DGLUCY: variants seen among roughly 807,000 people sequenced by gnomAD.
The protein encoded by DGLUCY is D-glutamate cyclase, mitochondrial.
A neutral mutation model predicts 58.5 loss-of-function variants in DGLUCY; 58 were observed. That is an observed-to-expected ratio of 0.99 (90% CI 0.80 to 1.23). The LOEUF (loss-of-function observed/expected upper bound fraction) is 1.23. DGLUCY is among the 50% of genes most tolerant of loss of function. DGLUCY has a pLI of 0.00. For missense variants in DGLUCY, 779 were observed against 784.7 expected (o/e 0.99, Z 0.09); for synonymous variants, 325 against 314.1 (o/e 1.03, Z -0.37).
intron 7 of DGLUCY, among the ~76,000 whole-genome samples, chr14:91,179,608 G>A (rs375176825): frequency 3.9e-4 from 59 of 151,796 alleles, no homozygotes; most frequent in South Asian, 3.1e-3. Context: ...AAAATTAGCC[G>A]GGTGTAGTGG....
In DGLUCY at chr14:91,086,084, C is replaced by T. The variant is rs545466130; in HGVS notation, c.-82+25380C>T. Among the ~76,000 whole-genome samples, 8 of 152,110 alleles carry T rather than the reference C, an allele frequency of 5.3e-5. 1 individual carries two copies. Among genetic ancestry groups the T allele is most frequent in the Admixed American group, 3.3e-4 (5 of 15,268 alleles). On this transcript the variant is annotated intron_variant, in intron 1 of 4. Coordinates refer to the DGLUCY transcript ENST00000521334. ...GGAGCATGAACCCTATTGTGAACTG[C>T]GCATGTGAGGGATCTAGGTTTTGTG...
intron 1 of DGLUCY, among the ~76,000 whole-genome samples, chr14:91,075,156 A>AT (rs1443433262): frequency 4.7e-5 from 7 of 150,382 alleles, no homozygotes; most frequent in Non-Finnish European, 1.0e-4. Flanking sequence ...CCTTTCTTGC[A>AT]TTTTTTCTTT....
chr14:91,060,523 C>T, exon 1 of DGLUCY: 1 of 1,237,044 alleles, frequency 8.1e-7, no homozygotes, highest in Non-Finnish European at 1.0e-6. Flanking sequence ...CTGCCGCGGC[C>T]CCAGGAGTCG....
intron 1 of DGLUCY, among the ~76,000 whole-genome samples, chr14:91,089,596 C>A (rs1398536221): frequency 6.6e-6 from 1 of 152,078 alleles, no homozygotes. Context: ...CCGAGGCGAG[C>A]GGAACACTTG....
At chr14:91,142,160 A>T (rs1323861523) in intron 1 of DGLUCY, among the ~76,000 whole-genome samples, 1 of 151,988 alleles carries the variant, frequency 6.6e-6, no homozygotes, top group Non-Finnish European at 1.5e-5. Context: ...AGGTTAATTA[A>T]CCTGCTCAAG....
At chr14:91,210,827 C>T (rs1475173799) in intron 12 of DGLUCY, among the ~76,000 whole-genome samples, 1 of 152,148 alleles carries the variant, frequency 6.6e-6, no homozygotes, top group African/African-American at 2.4e-5. Context: ...TTCCCTCTTA[C>T]CACTATTTTC....
intron 13 of DGLUCY, among the ~76,000 whole-genome samples, chr14:91,218,645 C>G (rs1180019317): frequency 6.6e-6 from 1 of 151,882 alleles, no homozygotes; most frequent in African/African-American, 2.4e-5. Flanking sequence ...TCAAGTGATC[C>G]GCCTGCCTCA....
chr14:91,166,230 G>A (rs2048274306), intron 3 of DGLUCY, among the ~76,000 whole-genome samples: 1 of 152,184 alleles, frequency 6.6e-6, no homozygotes, highest in South Asian at 2.1e-4. Flanking sequence ...CAAGCTGTAG[G>A]TTCGTATGTT....
rs1269657367 is a variant in DGLUCY at position 91,203,259 on chromosome 14, G to C, written c.1445-1447G>C. Among the ~76,000 whole-genome samples the C allele has an allele frequency of 2.0e-5, 3 of 152,228 alleles. No individual in the cohort carries two copies. In the East Asian group the frequency reaches 5.8e-4, roughly 29 times the overall value. ...TGTCATAGATCTAGAGAAGTGTTCT[G>C]AGAAAAACCATCAGGATATAAATCT... is the stretch of plus-strand genomic sequence containing the variant. On this transcript the variant is annotated intron_variant, in intron 11 of 13. Coordinates refer to ENST00000256324, the MANE Select transcript of DGLUCY (RefSeq NM_001102368.3).
rs138297457 is a variant in DGLUCY at position 91,199,783 on chromosome 14, G to A, written c.1322G>A (p.Arg441His). Residue 441 changes from arginine to histidine, a missense_variant, in exon 11 of 14, where the codon CGT (arginine) becomes CAT (histidine). Transcript: ENST00000256324. ...TTTGACCACCTGGTGGCCATAGAGC[G>A]TGCCGGAAGAGCTGCTGATGGCAAT... is the stretch of plus-strand genomic sequence containing the variant. ...PRFDHLVAIE[R>H]AGRAADGNYY... is the part of the protein sequence containing the mutation. The A allele has an allele frequency of 3.1e-3, 5,044 of 1,614,112 alleles. 11 individuals carry two copies. The highest frequency in any genetic ancestry group is 3.8e-3 in the Non-Finnish European group (4,541 of 1,180,026).
chr14:91,082,322 G>A (rs1445113426), intron 1 of DGLUCY, among the ~76,000 whole-genome samples: 3 of 152,178 alleles, frequency 2.0e-5, no homozygotes, highest in African/African-American at 7.2e-5. Flanking sequence ...CCAGTATGAT[G>A]TTCTGACCAT....
chr14:91,106,320 A>C (rs2044589257), upstream of DGLUCY, among the ~76,000 whole-genome samples: 2 of 150,704 alleles, frequency 1.3e-5, no homozygotes, highest in Admixed American at 6.6e-5. Context: ...ACCCCCCCCC[A>C]AAAAACTTAT....
chr14:91,147,824 ATG>A (rs1050573023), intron 1 of DGLUCY: 2 of 152,350 alleles, frequency 1.3e-5, no homozygotes, highest in African/African-American at 4.8e-5. Context: ...TTCTGGACCA[ATG>A]TGTGATTCTG....
chr14:91,204,660 A>T (rs1595913077), intron 11 of DGLUCY, 46 bp from the exon 12 acceptor site: 1 of 1,458,260 alleles, frequency 6.9e-7, no homozygotes, highest in Non-Finnish European at 9.3e-7. Context: ...GGCCTCCCCC[A>T]TTTTGCCCTG....
At chr14:91,091,961 C>A (rs1201993975) in intron 1 of DGLUCY, among the ~76,000 whole-genome samples, 1 of 152,162 alleles carries the variant, frequency 6.6e-6, no homozygotes, top group East Asian at 1.9e-4. Flanking sequence ...CTCTGATGTC[C>A]TACTCACGGA....
At chr14:91,109,591 T>G (rs2044659290), upstream of DGLUCY, among the ~76,000 whole-genome samples, 1 of 152,118 alleles carries the variant, frequency 6.6e-6, no homozygotes, top group Admixed American at 6.6e-5. Context: ...TCAGAACATA[T>G]GGTGGTTGGG....
intron 1 of DGLUCY, among the ~76,000 whole-genome samples, chr14:91,116,532 T>C (rs1004461917): frequency 6.6e-6 from 1 of 152,194 alleles, no homozygotes; most frequent in African/African-American, 2.4e-5. Flanking sequence ...CAATCCAGAA[T>C]ACTTGTGTTA....
intron 8 of DGLUCY, among the ~76,000 whole-genome samples, chr14:91,186,166 C>G (rs1198144009): frequency 6.6e-6 from 1 of 152,166 alleles, no homozygotes; most frequent in Admixed American, 6.5e-5. Context: ...TCACTCTCCT[C>G]TTCTCCCTTT....
At chr14:91,224,118 T>C (rs1372847602) in intron 13 of DGLUCY, among the ~76,000 whole-genome samples, 1 of 152,120 alleles carries the variant, frequency 6.6e-6, no homozygotes, top group African/African-American at 2.4e-5. Context: ...TCAGGAGAAA[T>C]GGGGGCCTTT....
Sources: allele counts gnomAD v4.1 joint callset (sites outside exome capture counted in the v4.1 genomes callset), GRCh38; gene constraint gnomAD v4.1.1; transcripts MANE v1.5; gene names NCBI Gene and HGNC (gene_info 2026-07-23, HGNC 2026-07-21).